ELF2: variants seen among roughly 807,000 people sequenced by gnomAD.
The protein encoded by ELF2 is E74 like ETS transcription factor 2.
A neutral mutation model predicts 54.8 loss-of-function variants in ELF2; 11 were observed. The observed-to-expected ratio is 0.20, with a 90% CI of 0.13 to 0.33. ELF2 has a LOEUF of 0.33. ELF2 is among the 10% of genes least tolerant of loss of function. The pLI, the probability that ELF2 is intolerant of heterozygous loss-of-function variation, is 1.00. For missense variants in ELF2, 513 were observed against 703.0 expected (o/e 0.73, Z 3.06); for synonymous variants, 203 against 245.1 (o/e 0.83, Z 1.61).
At position 139,106,892 on chromosome 4, in the gene ELF2, C is replaced by T. The variant is rs1375441269; in HGVS notation, c.238+18272G>A. On this transcript the variant is annotated intron_variant, in intron 4 of 9. Transcript: ENST00000686138. Reference sequence around the variant, plus strand: ...CCAAGCGGCTCAGATTACAGGCATGCGCCACCATGCCTGGCTATTTTTTTT... The same window carrying T: ...CCAAGCGGCTCAGATTACAGGCATGTGCCACCATGCCTGGCTATTTTTTTT... Among the ~76,000 whole-genome samples, 4 of 151,606 alleles carry T rather than the reference C, an allele frequency of 2.6e-5. No individual in the cohort carries two copies. The East Asian group carries it at 7.8e-4, about 29-fold the overall frequency.
intron 7 of ELF2, among the ~76,000 whole-genome samples, chr4:139,065,585 C>A (rs1261834317): frequency 6.6e-6 from 1 of 152,158 alleles, no homozygotes; most frequent in Non-Finnish European, 1.5e-5. Flanking sequence ...ACTATTATCA[C>A]AATTTTACAG....
chr4:139,167,771 C>A (rs1388428190), intron 1 of ELF2, among the ~76,000 whole-genome samples: 3 of 152,204 alleles, frequency 2.0e-5, no homozygotes, highest in African/African-American at 7.2e-5. Flanking sequence ...GTCTGAGCCA[C>A]ACAGAAAAGT....
chr4:139,175,791 A>G (rs77930291), intron 1 of ELF2, among the ~76,000 whole-genome samples: 1 of 152,332 alleles, frequency 6.6e-6, no homozygotes, highest in South Asian at 2.1e-4. Context: ...AAAGGGGGGA[A>G]TTTTTAACAG....
At chr4:139,065,916 T>G (rs181517039) in intron 7 of ELF2, 7 of 151,884 alleles carry the variant, frequency 4.6e-5, no homozygotes, top group Non-Finnish European at 4.4e-5. Context: ...ATGTTAGAAG[T>G]GTACAACAAC....
intron 4 of ELF2, among the ~76,000 whole-genome samples, chr4:139,116,183 A>G (rs1245607423): frequency 1.3e-5 from 2 of 152,220 alleles, no homozygotes; most frequent in Non-Finnish European, 2.9e-5. Context: ...TCTAAATCAC[A>G]GTACAATTAC....
In ELF2 at chr4:139,110,729, T is replaced by C. The variant is rs183336679; in HGVS notation, c.238+14435A>G. On this transcript the variant is annotated intron_variant, in intron 4 of 9. Transcript: ENST00000686138. ...TTAGGAGCTATGATTTGAATCTTTA[T>C]CTAAATCCCTATAAAAATGAGAACT... Among the ~76,000 whole-genome samples the C allele has an allele frequency of 8.7e-4, 132 of 152,298 alleles. 2 individuals carry two copies. Among genetic ancestry groups the C allele is most frequent in the Non-Finnish European group, 1.8e-4 (12 of 68,030 alleles).
At chr4:139,089,992 T>A (rs1435818224) in intron 4 of ELF2, among the ~76,000 whole-genome samples, 4 of 152,218 alleles carry the variant, frequency 2.6e-5, no homozygotes, top group Non-Finnish European at 4.4e-5. Context: ...AATAGTGGCA[T>A]GACCATAATT....
intron 1 of ELF2, among the ~76,000 whole-genome samples, chr4:139,148,032 T>C (rs1739427385): frequency 6.6e-6 from 1 of 151,364 alleles, no homozygotes; most frequent in South Asian, 2.1e-4. Context: ...GTGATCCGCC[T>C]GCCTCAGCCT....
At position 139,093,468 on chromosome 4, in the gene ELF2, G is replaced by A. The variant is rs905696792; in HGVS notation, c.239-19901C>T. The stretch of plus-strand genomic sequence containing the variant: ...CTACCTGGATTATTTTATGAGTCTA[G>A]TGTAATCTCGATTCCAAAAGCAGAT... On this transcript the variant is annotated intron_variant, in intron 4 of 9. Transcript: ENST00000686138. Among the ~76,000 whole-genome samples the A allele has an allele frequency of 2.0e-5, 3 of 152,198 alleles. No individual in the cohort carries two copies. The East Asian group carries it at 5.8e-4, about 29-fold the overall frequency.
rs768263248 is a variant in ELF2 at position 139,067,731 on chromosome 4, T to G, written c.566A>C (p.Asn189Thr). Residue 189 changes from asparagine to threonine, a missense_variant, in exon 7 of 10, where the codon AAT becomes ACT. By Grantham distance (65) the Asn-to-Thr change is moderately conservative. Around this residue, in one of 3 missense-constraint regions of ELF2, gnomAD observed 203 missense variants for 245.9 expected, o/e 0.83. Coordinates refer to ENST00000686138, the MANE Select transcript of ELF2 (RefSeq NM_001331036.3). ...CTTTATACCTAACTCAGGAGACCCA[T>G]TGGAAATTGGTGATTGCTGGGTCTT... ...KPKTQQSPIS[N>T]GSPELGIKKK... 3.7e-6 allele frequency: 6 copies of G among 1,606,218 alleles called. No homozygotes were observed. The highest frequency in any genetic ancestry group is 5.1e-6 in the Non-Finnish European group (6 of 1,174,520).
intron 5 of ELF2, among the ~76,000 whole-genome samples, chr4:139,072,996 A>G (rs536314534): frequency 6.6e-6 from 1 of 152,340 alleles, no homozygotes; most frequent in East Asian, 1.9e-4. Context: ...ACCACAAAAA[A>G]ATAAAAACTC....
At chr4:139,114,561 T>TCA (rs776035411) in intron 4 of ELF2, among the ~76,000 whole-genome samples, 6,547 of 108,610 alleles carry the variant, frequency 0.06, 234 homozygotes, top group African/African-American at 0.084. Flanking sequence ...GACTTCAGTC[T>TCA]CACACACACA....
chr4:139,094,555 T>G (rs1733038668), intron 4 of ELF2, among the ~76,000 whole-genome samples: 1 of 152,084 alleles, frequency 6.6e-6, no homozygotes, highest in Non-Finnish European at 1.5e-5. Flanking sequence ...CAAAGCAACA[T>G]GCAAGGATAT....
chr4:139,103,555 G>A (rs901981007), intron 4 of ELF2, among the ~76,000 whole-genome samples: 5 of 152,202 alleles, frequency 3.3e-5, no homozygotes, highest in Non-Finnish European at 2.9e-5. Context: ...CCTGGAGTGT[G>A]GCATGCCCAG....
chr4:139,141,022 C>T (rs1234968947), intron 1 of ELF2, among the ~76,000 whole-genome samples: 4 of 152,152 alleles, frequency 2.6e-5, no homozygotes, highest in African/African-American at 9.7e-5. Context: ...TCTGAAGCAT[C>T]TGACACTGTT....
intron 1 of ELF2, among the ~76,000 whole-genome samples, chr4:139,163,792 T>C (rs1741407046): frequency 6.6e-6 from 1 of 151,950 alleles, no homozygotes; most frequent in African/African-American, 2.4e-5. Context: ...CATGTGCCTG[T>C]AGTCTCAGCT....
chr4:139,078,457 A>T (rs1004058092), intron 4 of ELF2, among the ~76,000 whole-genome samples: 3 of 152,138 alleles, frequency 2.0e-5, no homozygotes, highest in African/African-American at 7.2e-5. Context: ...TGAAGGCAAT[A>T]AAAAGGGGGA....
At chr4:139,082,818 G>GTT (rs1366238869) in intron 4 of ELF2, among the ~76,000 whole-genome samples, 1 of 152,216 alleles carries the variant, frequency 6.6e-6, no homozygotes, top group East Asian at 1.9e-4. Flanking sequence ...TACTATTACA[G>GTT]TAAGTAAACA....
intron 4 of ELF2, chr4:139,083,988 TCCC>T: frequency 1.5e-6 from 2 of 1,349,556 alleles, no homozygotes; most frequent in Non-Finnish European, 2.0e-6. Flanking sequence ...CTTCATTCAC[TCCC>T]CCCTTTCCCC....
Sources: allele counts gnomAD v4.1 joint callset (sites outside exome capture counted in the v4.1 genomes callset), GRCh38; gene constraint gnomAD v4.1.1; regional missense constraint gnomAD v4.1.1; transcripts MANE v1.5; gene names NCBI Gene and HGNC (gene_info 2026-07-23, HGNC 2026-07-21).